Variants in ZCCHC17 observed in about 807,000 individuals in gnomAD.
The protein encoded by ZCCHC17 is zinc finger CCHC-type containing 17, also known as zinc finger CCHC domain-containing protein 17.
Under a neutral mutation model 30.6 loss-of-function variants are expected in ZCCHC17, and 18 were observed. The observed-to-expected ratio is 0.59, with a 90% CI of 0.41 to 0.87. ZCCHC17 has a LOEUF of 0.87. Among genes scored for constraint, ZCCHC17 ranks in the 40% least tolerant of loss-of-function variants. The pLI is 0.00. For synonymous variants in ZCCHC17, 88 were observed against 92.4 expected (o/e 0.95, Z 0.27); for missense variants, 263 against 284.2 (o/e 0.93, Z 0.54).
intron 1 of ZCCHC17, among the ~76,000 whole-genome samples, chr1:31,307,072 G>C (rs1250987794): frequency 6.6e-6 from 1 of 152,032 alleles, no homozygotes; most frequent in Non-Finnish European, 1.5e-5. Flanking sequence ...TCTTGACCTT[G>C]TGATCCACCC....
At chr1:31,311,697 T>A (rs1044896454) in intron 2 of ZCCHC17, among the ~76,000 whole-genome samples, 1 of 152,164 alleles carries the variant, frequency 6.6e-6, no homozygotes, top group Admixed American at 6.5e-5. Flanking sequence ...TTCGAGCCCT[T>A]TTATGAGGCA....
intron 6 of ZCCHC17, among the ~76,000 whole-genome samples, chr1:31,347,470 A>G (rs1238817271): frequency 6.6e-6 from 1 of 152,164 alleles, no homozygotes; most frequent in African/African-American, 2.4e-5. Flanking sequence ...TATCATTAGC[A>G]TAGAGGGGAG....
chr1:31,327,278 C>T (rs1638392206), intron 3 of ZCCHC17, among the ~76,000 whole-genome samples: 1 of 152,146 alleles, frequency 6.6e-6, no homozygotes, highest in Non-Finnish European at 1.5e-5. Flanking sequence ...CACAAAATTT[C>T]CCCCATTTCA....
At chr1:31,330,447 G>C (rs1395551582) in intron 3 of ZCCHC17, among the ~76,000 whole-genome samples, 1 of 152,202 alleles carries the variant, frequency 6.6e-6, no homozygotes, top group Non-Finnish European at 1.5e-5. Flanking sequence ...TCCATGCACA[G>C]GTTGCTCTGA....
intron 5 of ZCCHC17, 116 bp from the exon 6 acceptor site, chr1:31,346,520 ACTTT>A (rs1043745446): frequency 6.8e-6 from 8 of 1,179,402 alleles, no homozygotes; most frequent in African/African-American, 4.6e-5. Flanking sequence ...TCTGTCAAAA[ACTTT>A]CTTTCTTTCT....
At position 31,346,801 on chromosome 1, in the gene ZCCHC17, A is replaced by G. The variant is rs750405069; in HGVS notation, c.418+61A>G. 77 of 1,606,790 alleles carry G rather than the reference A, an allele frequency of 4.8e-5. No individual in the cohort carries two copies. In the African/African-American group the frequency reaches 9.8e-4, roughly 20 times the overall value. On this transcript the variant is annotated intron_variant, in intron 6 of 7. Coordinates refer to ENST00000344147, the MANE Select transcript of ZCCHC17 (RefSeq NM_016505.4). ...CCTTGTGGATGGACCCTTTTCTGGA[A>G]GAAGGAGGCAGCCCAGTGTGAGTTT...
At chr1:31,345,826 A>G (rs1301235097) in intron 5 of ZCCHC17, among the ~76,000 whole-genome samples, 1 of 150,702 alleles carries the variant, frequency 6.6e-6, no homozygotes, top group Non-Finnish European at 1.5e-5. Flanking sequence ...TCTCATGAGA[A>G]CTCCCTCACT....
intron 2 of ZCCHC17, among the ~76,000 whole-genome samples, chr1:31,311,796 CA>C (rs1162045336): frequency 1.3e-5 from 2 of 152,170 alleles, no homozygotes; most frequent in Non-Finnish European, 2.9e-5. Flanking sequence ...GGAGAAATAC[CA>C]AAGTTCATGT....
rs1308341826 is a variant in ZCCHC17 at position 31,297,038 on chromosome 1, T to C, written c.-93T>C. ...CTGGCTGACTGGGGTCGGCGTTTAGTTCAGCGCAGCGACTCGGGGACCTGG... is the reference window on the plus strand; with the variant it reads ...CTGGCTGACTGGGGTCGGCGTTTAGCTCAGCGCAGCGACTCGGGGACCTGG... On this transcript the variant is annotated 5_prime_UTR_variant, in exon 1 of 8. Coordinates refer to ENST00000344147, the MANE Select transcript of ZCCHC17 (RefSeq NM_016505.4). 1 of 455,568 alleles carries C rather than the reference T, an allele frequency of 2.2e-6. No individual in the cohort carries two copies. The highest frequency in any genetic ancestry group is 3.9e-6 in the Non-Finnish European group (1 of 257,730). 28.2% of individuals were successfully genotyped at this position (455,568 alleles called of 1,614,324 possible). A position where few individuals can be genotyped will look rare whatever the true frequency, so the allele number is the denominator to read the frequency against.
chr1:31,360,331 AGCTAATTTT>A (rs1453380263), intron 7 of ZCCHC17, among the ~76,000 whole-genome samples: 1 of 151,832 alleles, frequency 6.6e-6, no homozygotes, highest in East Asian at 1.9e-4. Flanking sequence ...CACCACGCCC[AGCTAATTTT>A]GTATTTTTAG....
At chr1:31,299,237 G>A (rs1646245848) in intron 1 of ZCCHC17, among the ~76,000 whole-genome samples, 1 of 152,172 alleles carries the variant, frequency 6.6e-6, no homozygotes, top group African/African-American at 2.4e-5. Context: ...TGAGGATCCA[G>A]TTTTGAGAAA....
At chr1:31,329,509 A>G (rs923712270) in intron 3 of ZCCHC17, among the ~76,000 whole-genome samples, 1 of 152,212 alleles carries the variant, frequency 6.6e-6, no homozygotes, top group Non-Finnish European at 1.5e-5. Flanking sequence ...ATTGAGTTCT[A>G]TTTTCTGATT....
At chr1:31,359,383 T>C (rs1404080689) in intron 7 of ZCCHC17, among the ~76,000 whole-genome samples, 1 of 151,918 alleles carries the variant, frequency 6.6e-6, no homozygotes, top group Non-Finnish European at 1.5e-5. Flanking sequence ...TAGCTGGGTG[T>C]GGTGGCATGC....
At chr1:31,301,258 T>C (rs893022300) in intron 1 of ZCCHC17, among the ~76,000 whole-genome samples, 1 of 152,154 alleles carries the variant, frequency 6.6e-6, no homozygotes, top group Non-Finnish European at 1.5e-5. Flanking sequence ...AGGAAGGATA[T>C]GATGATGTGC....
At chr1:31,337,876 T>G (rs1032481550) in intron 4 of ZCCHC17, among the ~76,000 whole-genome samples, 2 of 152,184 alleles carry the variant, frequency 1.3e-5, no homozygotes. Context: ...AATATTTAAG[T>G]GCTTAATATG....
At chr1:31,323,194 A>C (rs1046960961) in intron 3 of ZCCHC17, among the ~76,000 whole-genome samples, 1 of 152,222 alleles carries the variant, frequency 6.6e-6, no homozygotes, top group Admixed American at 6.5e-5. Context: ...AGGGACAAAG[A>C]TCGAATATGT....
At chr1:31,312,981 C>T (rs1432299083) in intron 2 of ZCCHC17, among the ~76,000 whole-genome samples, 1 of 151,808 alleles carries the variant, frequency 6.6e-6, no homozygotes, top group Non-Finnish European at 1.5e-5. Context: ...CCATGTTGGC[C>T]AGGCTAGTCT....
At chr1:31,298,072 C>T (rs574419597) in intron 1 of ZCCHC17, among the ~76,000 whole-genome samples, 13 of 152,218 alleles carry the variant, frequency 8.5e-5, no homozygotes, top group Middle Eastern at 3.4e-3. Context: ...TGTGAACAGA[C>T]GGGGGTTGGG....
At chr1:31,330,856 C>T (rs970056086) in intron 3 of ZCCHC17, among the ~76,000 whole-genome samples, 1 of 152,192 alleles carries the variant, frequency 6.6e-6, no homozygotes, top group Non-Finnish European at 1.5e-5. Context: ...TCCTCTACTG[C>T]ATACACGTCA....
Sources: gnomAD v4.1 joint callset for allele counts (sites outside exome capture counted in the v4.1 genomes callset) on GRCh38, gnomAD v4.1.1 for gene constraint, MANE v1.5 for transcripts, NCBI Gene and HGNC (gene_info 2026-07-23, HGNC 2026-07-21) for gene names.